The following BNC2 variants were observed in gnomAD, a reference collection of about 807,000 sequenced individuals.
The protein encoded by BNC2 is basonuclin zinc finger protein 2.
Under a neutral mutation model 76.3 loss-of-function variants are expected in BNC2, and 20 were observed. That is an observed-to-expected ratio of 0.26 (90% CI 0.18 to 0.38). BNC2 has a LOEUF of 0.38. BNC2 is among the 10% of genes least tolerant of loss of function. The pLI is 1.00. For missense variants in BNC2, 1,382 were observed against 1,399.8 expected (o/e 0.99, Z 0.20); for synonymous variants, 582 against 514.8 (o/e 1.13, Z -1.77).
rs919754940 is a variant in BNC2 at position 16,526,196 on chromosome 9, C to A, written c.669+26334G>T. ...TTAATTATATATAAAGGAACACATA[C>A]ATACACATATATGTATGTATATGTG... is the stretch of plus-strand genomic sequence containing the variant. On this transcript the variant is annotated intron_variant, in intron 5 of 6. Transcript: ENST00000380672. 2.0e-5 allele frequency among the ~76,000 whole-genome samples: 3 copies of A among 152,126 alleles called. No individual in the cohort carries two copies. The South Asian group carries it at 6.2e-4, about 32-fold the overall frequency.
chr9:16,533,981 A>T (rs796287795), intron 5 of BNC2, among the ~76,000 whole-genome samples: 1 of 152,058 alleles, frequency 6.6e-6, no homozygotes, highest in Admixed American at 6.5e-5. Context: ...GACTTCTAAA[A>T]TTCGTTTTTA....
At chr9:16,702,750 A>G (rs1030448418) in intron 3 of BNC2, among the ~76,000 whole-genome samples, 1 of 152,200 alleles carries the variant, frequency 6.6e-6, no homozygotes, top group African/African-American at 2.4e-5. Flanking sequence ...AGTATCTACT[A>G]TGTACTGGAA....
chr9:16,446,759 C>T (rs978026278), intron 5 of BNC2, among the ~76,000 whole-genome samples: 3 of 149,690 alleles, frequency 2.0e-5, no homozygotes, highest in African/African-American at 7.4e-5. Flanking sequence ...GTCTATACAG[C>T]GTTTTTATTT....
In BNC2 at chr9:16,762,103, A is replaced by C. The variant is rs202162258; in HGVS notation, c.4-23618T>G. On this transcript the variant is annotated intron_variant, in intron 1 of 6. Coordinates refer to ENST00000380672, the MANE Select transcript of BNC2 (RefSeq NM_017637.6). ...TTAGAATAGTGATATTTGTGAGATCAAAAGAACCCATGCTCCAGGAAGCAA... is the reference window on the plus strand; with the variant it reads ...TTAGAATAGTGATATTTGTGAGATCCAAAGAACCCATGCTCCAGGAAGCAA... Among the ~76,000 whole-genome samples, 3 of 152,302 alleles carry C rather than the reference A, an allele frequency of 2.0e-5. No homozygotes were observed. In the East Asian group the frequency reaches 5.8e-4, roughly 29 times the overall value.
intron 1 of BNC2, among the ~76,000 whole-genome samples, chr9:16,865,987 G>A (rs532472397): frequency 3.2e-4 from 48 of 152,222 alleles, no homozygotes; most frequent in African/African-American, 1.2e-3. Flanking sequence ...GCAACATAAT[G>A]AGAGCTACTG....
chr9:16,680,215 T>TTTG (rs142459192), intron 3 of BNC2, among the ~76,000 whole-genome samples: 10,528 of 152,006 alleles, frequency 0.069, 599 homozygotes, highest in South Asian at 0.21. Context: ...TTCAGGGGCT[T>TTTG]TTGTTGTTGT....
chr9:16,844,440 G>T, intron 1 of BNC2, among the ~76,000 whole-genome samples: 1 of 150,264 alleles, frequency 6.7e-6, no homozygotes. Flanking sequence ...ATGTCAGGTG[G>T]TAATTCTAGG....
At chr9:16,574,891 C>T (rs2132919342) in intron 4 of BNC2, among the ~76,000 whole-genome samples, 1 of 152,260 alleles carries the variant, frequency 6.6e-6, no homozygotes, top group Non-Finnish European at 1.5e-5. Context: ...TTAGAGAAGG[C>T]ATTACTAACA....
intron 5 of BNC2, among the ~76,000 whole-genome samples, chr9:16,468,711 A>G (rs1184745156): frequency 6.6e-6 from 1 of 152,096 alleles, no homozygotes. Flanking sequence ...ATCTTGAATA[A>G]TTTCCCCAAC....
intron 3 of BNC2, among the ~76,000 whole-genome samples, chr9:16,697,720 CAA>C (rs749976080): frequency 1.3e-4 from 14 of 107,466 alleles, no homozygotes; most frequent in Admixed American, 9.5e-5. Flanking sequence ...ACTCGATTTC[CAA>C]AAAAAAAAAA....
At chr9:16,528,091 G>T (rs895440596) in intron 5 of BNC2, among the ~76,000 whole-genome samples, 1 of 152,202 alleles carries the variant, frequency 6.6e-6, no homozygotes. Context: ...TTGAAGAGCT[G>T]TGGGGTTAGA....
intron 1 of BNC2, among the ~76,000 whole-genome samples, chr9:16,851,802 GACCA>G (rs1277552803): frequency 6.6e-5 from 10 of 152,242 alleles, no homozygotes; most frequent in African/African-American, 2.4e-4. Flanking sequence ...CGCCAAAACA[GACCA>G]ATCAAGTAAT....
intron 1 of BNC2, among the ~76,000 whole-genome samples, chr9:16,780,893 T>C (rs1826134686): frequency 6.6e-6 from 1 of 152,144 alleles, no homozygotes; most frequent in Non-Finnish European, 1.5e-5. Context: ...TTCTTTTAAT[T>C]CTTAACTCTA....
chr9:16,542,381 G>C (rs1818350412), intron 5 of BNC2, among the ~76,000 whole-genome samples: 1 of 151,766 alleles, frequency 6.6e-6, no homozygotes, highest in South Asian at 2.1e-4. Context: ...AGAAAGAAAA[G>C]AGAGAGAAGA....
chr9:16,508,821 C>CTTTTTTTTTTTTTTTTTTTTTTTT (rs386414529), intron 5 of BNC2, among the ~76,000 whole-genome samples: 3 of 143,418 alleles, frequency 2.1e-5, no homozygotes, highest in African/African-American at 2.6e-5. Flanking sequence ...TTTTGCACAT[C>CTTTTTTTTTTTTTTTTTTTTTTTT]TTTTTTTTTT....
intron 3 of BNC2, among the ~76,000 whole-genome samples, chr9:16,694,566 C>A (rs1823279358): frequency 6.6e-6 from 1 of 152,178 alleles, no homozygotes; most frequent in Non-Finnish European, 1.5e-5. Context: ...GGAATTCCGG[C>A]TGCTCTAAAC....
intron 3 of BNC2, among the ~76,000 whole-genome samples, chr9:16,675,648 C>G (rs1022820234): frequency 6.6e-6 from 1 of 152,222 alleles, no homozygotes; most frequent in African/African-American, 2.4e-5. Flanking sequence ...TAAATTGTAT[C>G]TTAAAGACTC....
chr9:16,780,989 A>G (rs1826136764), intron 1 of BNC2, among the ~76,000 whole-genome samples: 1 of 152,116 alleles, frequency 6.6e-6, no homozygotes, highest in Non-Finnish European at 1.5e-5. Flanking sequence ...AATTCTCTAT[A>G]AGATATAATT....
At chr9:16,790,141 T>C (rs1817464257) in intron 1 of BNC2, among the ~76,000 whole-genome samples, 4 of 152,102 alleles carry the variant, frequency 2.6e-5, no homozygotes, top group Non-Finnish European at 5.9e-5. Context: ...GGACTACAGG[T>C]GCCCGCCACC....
Sources: allele counts gnomAD v4.1 joint callset (sites outside exome capture counted in the v4.1 genomes callset), GRCh38; gene constraint gnomAD v4.1.1; transcripts MANE v1.5; gene names NCBI Gene and HGNC (gene_info 2026-07-23, HGNC 2026-07-21).